The following SHISAL1 variants were observed in gnomAD, a reference collection of about 807,000 sequenced individuals.
SHISAL1 encodes shisa like 1.
SHISAL1 carries 9 observed loss-of-function variants against 22.6 expected under a neutral mutation model. The ratio of observed to expected loss-of-function variants is 0.40; its 90% CI spans 0.24 to 0.70. The LOEUF is 0.70. SHISAL1 is among the 30% of genes least tolerant of loss of function. The pLI is 0.39. For missense variants in SHISAL1, 246 were observed against 270.6 expected (o/e 0.91, Z 0.64); for synonymous variants, 119 against 115.4 (o/e 1.03, Z -0.20).
chr22:44,297,932 C>T (rs1393331317), intron 2 of SHISAL1, among the ~76,000 whole-genome samples: 1 of 152,226 alleles, frequency 6.6e-6, no homozygotes, highest in African/African-American at 2.4e-5. Flanking sequence ...CTGCAGCCCA[C>T]ACAGCTCCCC....
At chr22:44,315,940 T>G (rs1318331839), upstream of SHISAL1, among the ~76,000 whole-genome samples, 2 of 152,082 alleles carry the variant, frequency 1.3e-5, no homozygotes, top group Non-Finnish European at 2.9e-5. Context: ...GGATTCACAG[T>G]CCGGGGCAGG....
chr22:44,266,485 T>G lies in SHISAL1; in HGVS notation c.*-16800A>C, dbSNP rs375781106. 9.1e-3 allele frequency among the ~76,000 whole-genome samples: 957 copies of G among 105,532 alleles called. 19 individuals are homozygous for G. The highest frequency in any genetic ancestry group is 0.045 in the African/African-American group (879 of 19,676). 69.2% of individuals were successfully genotyped at this position (105,532 alleles called of 152,430 possible). The stretch of plus-strand genomic sequence containing the variant: ...GTGTGTGTTGGGCTGTGTGTGTGTC[T>G]GTTGGGGGCTCTGGTGTATGTGTGT... On this transcript the variant is annotated intron_variant, in intron 4 of 4. Transcript: ENST00000381176.
the SHISAL1 span, among the ~76,000 whole-genome samples, chr22:44,326,426 T>C: frequency 1.3e-5 from 2 of 152,100 alleles, no homozygotes; most frequent in Non-Finnish European, 2.9e-5. Flanking sequence ...TGGGCATCTC[T>C]CTGAGGCTTG....
intron 4 of SHISAL1, among the ~76,000 whole-genome samples, chr22:44,283,614 G>T (rs1468411094): frequency 6.6e-6 from 1 of 152,204 alleles, no homozygotes; most frequent in African/African-American, 2.4e-5. Context: ...CTGAGTGCAG[G>T]GTGCTCACGA....
intron 4 of SHISAL1, among the ~76,000 whole-genome samples, chr22:44,279,038 C>T (rs528513568): frequency 1.3e-5 from 2 of 152,274 alleles, no homozygotes; most frequent in East Asian, 1.9e-4. Context: ...GCAACTCGTC[C>T]GAGGACACAC....
At chr22:44,301,243 G>A (rs980566671) in intron 1 of SHISAL1, among the ~76,000 whole-genome samples, 1 of 152,232 alleles carries the variant, frequency 6.6e-6, no homozygotes, top group Non-Finnish European at 1.5e-5. Flanking sequence ...TCAGGTGGTG[G>A]AAATGACCGG....
At chr22:44,293,888 C>T (rs1192418957) in intron 3 of SHISAL1, among the ~76,000 whole-genome samples, 2 of 152,242 alleles carry the variant, frequency 1.3e-5, no homozygotes, top group African/African-American at 4.8e-5. Context: ...TACTTTGCAG[C>T]CCAACTCTTC....
intron 3 of SHISAL1, among the ~76,000 whole-genome samples, chr22:44,291,598 C>T (rs1207485408): frequency 6.6e-6 from 1 of 152,038 alleles, no homozygotes; most frequent in East Asian, 1.9e-4. Context: ...CACGCGTGGC[C>T]AAGGGAGGGA....
intron 4 of SHISAL1, among the ~76,000 whole-genome samples, chr22:44,266,028 G>C (rs535242063): frequency 6.6e-6 from 1 of 152,176 alleles, no homozygotes; most frequent in Non-Finnish European, 1.5e-5. Flanking sequence ...TGCTTCAGGG[G>C]AGAGTTGCTG....
the SHISAL1 span, among the ~76,000 whole-genome samples, chr22:44,329,263 C>T: frequency 5.9e-5 from 9 of 152,234 alleles, no homozygotes; most frequent in South Asian, 6.2e-4. Flanking sequence ...GATGGATGAC[C>T]GGTAACTGGG....
intron 4 of SHISAL1, among the ~76,000 whole-genome samples, chr22:44,263,435 A>G (rs192999355): frequency 1.2e-4 from 18 of 152,268 alleles, no homozygotes; most frequent in African/African-American, 3.6e-4. Flanking sequence ...TATTAATCCT[A>G]CTTTGTAAAT....
the SHISAL1 span, among the ~76,000 whole-genome samples, chr22:44,326,131 G>T: frequency 6.6e-6 from 1 of 152,012 alleles, no homozygotes; most frequent in African/African-American, 2.4e-5. Flanking sequence ...AGCTGCACAC[G>T]TACAATTCTC....
rs1282461035 is a variant in SHISAL1 at position 44,300,946 on chromosome 22, C to T, written c.-1G>A. ...AGGACTGCTGGCCACAACTGGTCAT[C>T]GTCTGGCTTGCATTGATCCGTCCAG... is the stretch of plus-strand genomic sequence containing the variant. On this transcript the variant is annotated 5_prime_UTR_variant, in exon 2 of 5. Coordinates refer to ENST00000381176, the MANE Select transcript of SHISAL1 (RefSeq NM_001099294.2). 5.6e-6 allele frequency: 9 copies of T among 1,614,122 alleles called. No individual in the cohort carries two copies. Among genetic ancestry groups the T allele is most frequent in the East Asian group, 4.5e-5 (2 of 44,890 alleles).
chr22:44,320,187 C>T, the SHISAL1 span, among the ~76,000 whole-genome samples: 37 of 152,078 alleles, frequency 2.4e-4, 1 homozygote, highest in Middle Eastern at 6.8e-3. Context: ...CATGGAGAGG[C>T]CTTGTCTGGC....
rs2055023797 is a variant in SHISAL1, at chr22:44,248,653, T to C, written c.*1032A>G. 6.6e-6 allele frequency: 1 copy of C among 152,146 alleles called. No homozygotes were observed. Among genetic ancestry groups the C allele is most frequent in the African/African-American group, 2.4e-5 (1 of 41,418 alleles). The allele number at this position is 152,146 out of a possible 1,614,324, so 9.4% of individuals were successfully genotyped here. A position where few individuals can be genotyped will look rare whatever the true frequency, so the allele number is the denominator to read the frequency against. On this transcript the variant is annotated 3_prime_UTR_variant, in exon 5 of 5. Coordinates refer to ENST00000381176, the MANE Select transcript of SHISAL1 (RefSeq NM_001099294.2). Reference sequence around the variant, plus strand: ...CCCGGGGGCAGAGATGAGATCTAACTCATCTTTCATTCCCATCACTGCCCA... The same window carrying C: ...CCCGGGGGCAGAGATGAGATCTAACCCATCTTTCATTCCCATCACTGCCCA...
chr22:44,307,680 C>T (rs1721541083), intron 1 of SHISAL1, among the ~76,000 whole-genome samples: 1 of 152,116 alleles, frequency 6.6e-6, no homozygotes, highest in African/African-American at 2.4e-5. Context: ...GCGGGCCACC[C>T]CTCCGGTCAG....
chr22:44,325,592 T>G, the SHISAL1 span, among the ~76,000 whole-genome samples: 1 of 152,148 alleles, frequency 6.6e-6, no homozygotes, highest in African/African-American at 2.4e-5. Context: ...ACAGAGCCCA[T>G]GAGATCCAGG....
intron 4 of SHISAL1, among the ~76,000 whole-genome samples, chr22:44,272,209 GAC>G (rs1298717398): frequency 6.6e-6 from 1 of 152,216 alleles, no homozygotes; most frequent in African/African-American, 2.4e-5. Flanking sequence ...TGGGCCCAGA[GAC>G]ACACAATCTC....
At chr22:44,253,598 T>C (rs1004023638) in intron 4 of SHISAL1, among the ~76,000 whole-genome samples, 3 of 79,040 alleles carry the variant, frequency 3.8e-5, no homozygotes, top group Non-Finnish European at 7.3e-5. Context: ...TCTGGCTAAT[T>C]TTTTTTTTTT....
Sources: allele counts gnomAD v4.1 joint callset (sites outside exome capture counted in the v4.1 genomes callset), GRCh38; gene constraint gnomAD v4.1.1; transcripts MANE v1.5; gene names NCBI Gene and HGNC (gene_info 2026-07-23, HGNC 2026-07-21).